The following RNLS variants were observed in gnomAD, a reference collection of about 807,000 sequenced individuals.
RNLS encodes the protein renalase, FAD dependent amine oxidase.
Under a neutral mutation model 39.8 loss-of-function variants are expected in RNLS, and 39 were observed. The observed-to-expected ratio is 0.98, with a 90% CI of 0.76 to 1.28. The LOEUF is 1.28. Ranked by LOEUF, RNLS falls within the 50% of genes most tolerant of loss-of-function variation. The pLI is 0.00. For synonymous variants in RNLS, 147 were observed against 150.7 expected (o/e 0.98, Z 0.18); for missense variants, 410 against 413.3 (o/e 0.99, Z 0.07).
the RNLS span, among the ~76,000 whole-genome samples, chr10:88,173,712 T>G: frequency 3.3e-5 from 5 of 152,234 alleles, no homozygotes; most frequent in African/African-American, 9.6e-5. Context: ...AAGCCAATTT[T>G]AAAAGGCTAG....
At chr10:88,507,969 G>A (rs1023994588) in intron 4 of RNLS, among the ~76,000 whole-genome samples, 2 of 152,144 alleles carry the variant, frequency 1.3e-5, no homozygotes, top group African/African-American at 2.4e-5. Context: ...AGTGAGAGGA[G>A]TTAATTAGTT....
At chr10:88,218,301 G>A in the RNLS span, among the ~76,000 whole-genome samples, 3 of 152,236 alleles carry the variant, frequency 2.0e-5, no homozygotes, top group African/African-American at 7.2e-5. Context: ...AGGGATCACA[G>A]AACCTTAGAC....
intron 3 of RNLS, among the ~76,000 whole-genome samples, 161 bp downstream of exon 3, chr10:88,581,406 G>A (rs973039354): frequency 4.6e-5 from 7 of 150,688 alleles, no homozygotes; most frequent in South Asian, 2.1e-4. Context: ...ATATACACTG[G>A]AAGCTTATCA....
the RNLS span, among the ~76,000 whole-genome samples, chr10:88,264,172 T>C: frequency 1.3e-5 from 2 of 152,192 alleles, no homozygotes; most frequent in Non-Finnish European, 2.9e-5. Context: ...TATGGCTGAG[T>C]AGTATTCCAC....
At chr10:88,497,111 A>C (rs879571682) in intron 4 of RNLS, among the ~76,000 whole-genome samples, 3 of 152,138 alleles carry the variant, frequency 2.0e-5, no homozygotes, top group Non-Finnish European at 2.9e-5. Context: ...AGTCTGAGGT[A>C]AATGGAAAAT....
At chr10:88,375,190 C>T (rs1850880146) in intron 4 of RNLS, among the ~76,000 whole-genome samples, 2 of 152,008 alleles carry the variant, frequency 1.3e-5, no homozygotes, top group African/African-American at 4.8e-5. Flanking sequence ...TCTACCACAA[C>T]AACAGAACAA....
intron 4 of RNLS, among the ~76,000 whole-genome samples, chr10:88,535,022 T>TTG (rs1847661646): frequency 6.6e-6 from 1 of 152,112 alleles, no homozygotes; most frequent in African/African-American, 2.4e-5. Flanking sequence ...TGAGTGTCAG[T>TTG]TATATTGTTC....
intron 4 of RNLS, among the ~76,000 whole-genome samples, chr10:88,437,407 T>C (rs1396310611): frequency 6.6e-6 from 1 of 152,206 alleles, no homozygotes; most frequent in Non-Finnish European, 1.5e-5. Context: ...GTACAATTTA[T>C]TTTAGAACCA....
chr10:88,180,294 C>T, the RNLS span, among the ~76,000 whole-genome samples: 1 of 152,150 alleles, frequency 6.6e-6, no homozygotes, highest in Non-Finnish European at 1.5e-5. Context: ...GAAAATTTCT[C>T]AGAGATGACA....
chr10:88,298,341 G>A (rs1158507786), intron 6 of RNLS, among the ~76,000 whole-genome samples: 1 of 152,030 alleles, frequency 6.6e-6, no homozygotes, highest in Non-Finnish European at 1.5e-5. Flanking sequence ...TTTTGATGCA[G>A]TCCAGTCCAA....
At chr10:88,308,264 A>T (rs1207521038) in intron 6 of RNLS, among the ~76,000 whole-genome samples, 1 of 152,238 alleles carries the variant, frequency 6.6e-6, no homozygotes, top group Non-Finnish European at 1.5e-5. Flanking sequence ...GCCAAAAGCA[A>T]TTGCAACAAA....
chr10:88,187,627 G>T, the RNLS span, among the ~76,000 whole-genome samples: 3 of 152,164 alleles, frequency 2.0e-5, no homozygotes, highest in African/African-American at 7.2e-5. Flanking sequence ...TCCCTCAGCT[G>T]TCCTGGAGGA....
rs11202779 is a variant in RNLS at position 88,581,292 on chromosome 10, G to A, written c.367+275C>T. On this transcript the variant is annotated intron_variant, in intron 3 of 6. Coordinates refer to ENST00000331772, the MANE Select transcript of RNLS (RefSeq NM_001031709.3). The stretch of plus-strand genomic sequence containing the variant: ...GAAATATATATGTATGTGTGTGTGT[G>A]TGTATATATATATATATATATATAC... Among the ~76,000 whole-genome samples, 23,436 of 121,462 alleles carry A rather than the reference G, an allele frequency of 0.19. 2,195 individuals are homozygous for A. The highest frequency in any genetic ancestry group is 0.43 in the East Asian group (1,866 of 4,292). The allele number at this position is 121,462 out of a possible 152,430, so 79.7% of individuals were successfully genotyped here. A position where few individuals can be genotyped will look rare whatever the true frequency, so the allele number is the denominator to read the frequency against.
exon 7 of RNLS, chr10:88,274,807 G>A (rs552890634): frequency 2.4e-5 from 12 of 507,200 alleles, no homozygotes; most frequent in Middle Eastern, 7.3e-4. Flanking sequence ...CATTCCCACC[G>A]GCACTGCACA....
At chr10:88,361,243 C>G (rs566563454) in intron 5 of RNLS, among the ~76,000 whole-genome samples, 8 of 152,212 alleles carry the variant, frequency 5.3e-5, no homozygotes, top group Non-Finnish European at 1.2e-4. Flanking sequence ...AGTCCTATCT[C>G]TAAATACAAC....
chr10:88,410,945 G>A (rs1176076377), intron 4 of RNLS, among the ~76,000 whole-genome samples: 1 of 152,120 alleles, frequency 6.6e-6, no homozygotes, highest in East Asian at 1.9e-4. Flanking sequence ...GAGAGTTAAA[G>A]CCATGGAAAT....
At chr10:88,439,770 C>T (rs1260286172) in intron 4 of RNLS, among the ~76,000 whole-genome samples, 2 of 152,178 alleles carry the variant, frequency 1.3e-5, no homozygotes, top group Non-Finnish European at 1.5e-5. Context: ...GCTCTGAGTC[C>T]AGACTAACAC....
chr10:88,337,979 A>G (rs1260173021), intron 5 of RNLS, among the ~76,000 whole-genome samples: 1 of 152,086 alleles, frequency 6.6e-6, no homozygotes, highest in Non-Finnish European at 1.5e-5. Flanking sequence ...AGATTTGACT[A>G]TTTCCTTTAG....
intron 4 of RNLS, among the ~76,000 whole-genome samples, chr10:88,560,218 G>C (rs1367159339): frequency 6.6e-6 from 1 of 152,052 alleles, no homozygotes; most frequent in African/African-American, 2.4e-5. Context: ...ATAAAATTAA[G>C]ATATATTAGT....
Sources: allele counts gnomAD v4.1 joint callset (sites outside exome capture counted in the v4.1 genomes callset), GRCh38; gene constraint gnomAD v4.1.1; transcripts MANE v1.5; gene names NCBI Gene and HGNC (gene_info 2026-07-23, HGNC 2026-07-21).